Variants in CDC73 observed in about 807,000 individuals in gnomAD.
CDC73 encodes the protein parafibromin.
A neutral mutation model predicts 83.7 loss-of-function variants in CDC73; 21 were observed. The ratio of observed to expected loss-of-function variants is 0.25; its 90% confidence interval spans 0.18 to 0.36. The LOEUF (loss-of-function observed/expected upper bound fraction) is 0.36. Ranked by LOEUF, CDC73 falls within the 10% of genes least tolerant of loss-of-function variation. The pLI is 1.00. For missense variants in CDC73, 342 were observed against 653.3 expected, an observed-to-expected ratio of 0.52 and a Z score of 5.19; for synonymous variants, 224 against 212.9, an observed-to-expected ratio of 1.05 and a Z score of -0.45.
At chr1:193,245,094 TATC>T (rs1170710039) in intron 15 of CDC73, among the ~76,000 whole-genome samples, 3 of 152,378 alleles carry the variant, frequency 2.0e-5, no homozygotes, top group East Asian at 3.9e-4. Context: ...GTTATCAGGT[TATC>T]ATAATTAGCA....
chr1:193,197,290 A>G (rs1677017387), intron 10 of CDC73, among the ~76,000 whole-genome samples: 1 of 152,150 alleles, frequency 6.6e-6, no homozygotes, highest in South Asian at 2.1e-4. Flanking sequence ...CCAAGAATGA[A>G]TCCCATTAGG....
chr1:193,232,933 A>G (rs1212212271), intron 13 of CDC73, 60 bp from the exon 14 acceptor site: 2 of 1,416,968 alleles, frequency 1.4e-6, no homozygotes, highest in Non-Finnish European at 2.0e-6. Flanking sequence ...ATTATAGTTT[A>G]TCTTCCCATT....
At chr1:193,224,636 T>C (rs1004929452) in intron 13 of CDC73, among the ~76,000 whole-genome samples, 1 of 152,022 alleles carries the variant, frequency 6.6e-6, no homozygotes, top group South Asian at 2.1e-4. Flanking sequence ...CATACACACA[T>C]ATATGAAATC....
intron 10 of CDC73, among the ~76,000 whole-genome samples, chr1:193,172,251 T>C (rs2103150790): frequency 6.6e-6 from 1 of 151,928 alleles, no homozygotes; most frequent in South Asian, 2.1e-4. Context: ...TTTTTTTTTT[T>C]TTTTAAGAAA....
chr1:193,125,772 T>A (rs1332866558), intron 2 of CDC73, among the ~76,000 whole-genome samples: 2 of 151,966 alleles, frequency 1.3e-5, no homozygotes, highest in Non-Finnish European at 2.9e-5. Context: ...TTTTTTTTTT[T>A]TGGCTTCGTG....
In CDC73 at chr1:193,241,979, C is replaced by T. The variant is rs115399490; in HGVS notation, c.1417+5623C>T. ...CAGGCATCTGGGGCATGTGAGCTTC[C>T]GCCAGTTGGTGGCTGTGATTGGGAG... is the stretch of plus-strand genomic sequence containing the variant. On this transcript the variant is annotated intron_variant, in intron 15 of 16. Transcript: ENST00000367435. 9.0e-3 allele frequency among the ~76,000 whole-genome samples: 1,373 copies of T among 152,264 alleles called. 14 individuals are homozygous for T. Among genetic ancestry groups the T allele is most frequent in the African/African-American group, 0.032 (1,324 of 41,536 alleles).
chr1:193,160,322 T>A (rs1157097240), intron 10 of CDC73, among the ~76,000 whole-genome samples: 2 of 152,130 alleles, frequency 1.3e-5, no homozygotes, highest in Non-Finnish European at 2.9e-5. Context: ...CTAATAATTT[T>A]TAGTAATAAA....
chr1:193,207,653 C>G (rs1375263672), intron 11 of CDC73, among the ~76,000 whole-genome samples: 1 of 152,140 alleles, frequency 6.6e-6, no homozygotes, highest in Non-Finnish European at 1.5e-5. Flanking sequence ...TTCTGCCTGA[C>G]CCCACAGGCA....
chr1:193,190,016 G>A (rs987352991), intron 10 of CDC73, among the ~76,000 whole-genome samples: 33 of 152,156 alleles, frequency 2.2e-4, no homozygotes, highest in Non-Finnish European at 3.7e-4. Flanking sequence ...AACATTAGAA[G>A]GGAGACATGA....
Position 193,205,205 on chromosome 1 carries a change from C to CG in CDC73, c.1030+1353_1030+1354insG, listed in dbSNP as rs978543815. On this transcript the variant is annotated intron_variant, in intron 11 of 16. Coordinates refer to ENST00000367435, the MANE Select transcript of CDC73 (RefSeq NM_024529.5). ...AGGCTATACCACCTGTCCCCCCCCC[C>CG]CCCTTTTTTTTTAAACTCATCAGTG... 3.2e-5 allele frequency among the ~76,000 whole-genome samples: 4 copies of CG among 123,540 alleles called. 1 individual carries two copies. Among genetic ancestry groups the CG allele is most frequent in the African/African-American group, 1.4e-4 (4 of 28,900 alleles). 81.0% of individuals were successfully genotyped at this position (123,540 alleles called of 152,430 possible).
rs541325517 is a variant in CDC73 at position 193,190,707 on chromosome 1, AAACT to A, written c.973-13086_973-13083del. The stretch of plus-strand genomic sequence containing the variant: ...CACCTTTATCTGTTTTAATTCATGC[AAACT>A]ATTAACAATGAGCATTTACAATCAG... On this transcript the variant is annotated intron_variant, in intron 10 of 16. Transcript: ENST00000367435. 1.4e-4 allele frequency among the ~76,000 whole-genome samples: 22 copies of A among 152,368 alleles called. No individual in the cohort carries two copies. In the South Asian group the frequency reaches 4.3e-3, roughly 30 times the overall value.
chr1:193,181,793 C>A (rs774791260), intron 10 of CDC73: 45 of 411,020 alleles, frequency 1.1e-4, no homozygotes, highest in Non-Finnish European at 1.7e-4. Flanking sequence ...AACCCAGGAA[C>A]GAAGCTTGTA....
intron 10 of CDC73, among the ~76,000 whole-genome samples, chr1:193,200,502 TC>T (rs1358012706): frequency 1.3e-5 from 2 of 152,230 alleles, no homozygotes; most frequent in African/African-American, 4.8e-5. Flanking sequence ...TCACTGTTTT[TC>T]CCTTCTGTGT....
At chr1:193,162,739 A>G (rs889002461) in intron 10 of CDC73, among the ~76,000 whole-genome samples, 2 of 152,142 alleles carry the variant, frequency 1.3e-5, no homozygotes, top group African/African-American at 4.8e-5. Flanking sequence ...TGAATTCTGG[A>G]CATTATCAAT....
chr1:193,218,623 A>G (rs1677411002), intron 13 of CDC73, among the ~76,000 whole-genome samples: 1 of 152,212 alleles, frequency 6.6e-6, no homozygotes, highest in South Asian at 2.1e-4. Context: ...AGCAGCAACC[A>G]TCTGCTTTTT....
rs770268430 is a variant in CDC73 at position 193,250,727 on chromosome 1, C to T, written c.*15C>T. 128 of 1,603,290 alleles carry T rather than the reference C, an allele frequency of 8.0e-5. 1 individual carries two copies. The highest frequency in any genetic ancestry group is 9.8e-5 in the Non-Finnish European group (115 of 1,171,026). ...TGAGATTCTGAATTATTTGGCTCCT[C>T]CATTTCTGGAAATTGAGACTCAAGC... On this transcript the variant is annotated 3_prime_UTR_variant, in exon 17 of 17. Transcript: ENST00000367435.
intron 10 of CDC73, among the ~76,000 whole-genome samples, chr1:193,170,691 C>T (rs1676504688): frequency 6.6e-6 from 1 of 152,068 alleles, no homozygotes; most frequent in Non-Finnish European, 1.5e-5. Context: ...TTGTTGGATG[C>T]ATAGTTTGCA....
intron 6 of CDC73, chr1:193,140,967 A>T (rs1448465815): frequency 6.6e-6 from 1 of 152,126 alleles, no homozygotes; most frequent in Non-Finnish European, 1.5e-5. Context: ...TGCCAGATGC[A>T]TATGAGCACT....
intron 1 of CDC73, 22 bp downstream of exon 1, chr1:193,122,353 C>T (rs769207876): frequency 6.2e-7 from 1 of 1,613,824 alleles, no homozygotes; most frequent in East Asian, 2.2e-5. Context: ...ATGGCTGTGG[C>T]CCAGGGGTGG....
Sources: gnomAD v4.1 joint callset for allele counts (sites outside exome capture counted in the v4.1 genomes callset) on GRCh38, gnomAD v4.1.1 for gene constraint, MANE v1.5 for transcripts, NCBI Gene and HGNC (gene_info 2026-07-23, HGNC 2026-07-21) for gene names.